The following GRIA4 variants were observed in gnomAD, a reference collection of about 807,000 sequenced individuals.
GRIA4 encodes glutamate receptor 4.
A neutral mutation model predicts 104.0 loss-of-function variants in GRIA4; 34 were observed. The observed-to-expected ratio is 0.33, with a 90% CI of 0.25 to 0.44. The LOEUF is 0.44. GRIA4 is among the 20% of genes least tolerant of loss of function. The pLI, the probability that GRIA4 is intolerant of heterozygous loss-of-function variation, is 1.00. For missense variants in GRIA4, 750 were observed against 1,096.5 expected, an observed-to-expected ratio of 0.68 and a Z score of 4.46; for synonymous variants, 386 against 381.9, an observed-to-expected ratio of 1.01 and a Z score of -0.13.
intron 3 of GRIA4, among the ~76,000 whole-genome samples, chr11:105,625,195 C>T (rs982616740): frequency 2.0e-5 from 3 of 151,920 alleles, no homozygotes; most frequent in African/African-American, 7.3e-5. Flanking sequence ...CTGTGACTTC[C>T]GTGACAACGA....
At chr11:105,880,957 G>C (rs983053561) in intron 5 of GRIA4, among the ~76,000 whole-genome samples, 7 of 152,290 alleles carry the variant, frequency 4.6e-5, no homozygotes, top group South Asian at 2.1e-4. Context: ...CTTGGAGACT[G>C]TCATAGTTGA....
intron 4 of GRIA4, among the ~76,000 whole-genome samples, chr11:105,825,454 C>T (rs186205645): frequency 3.9e-5 from 6 of 152,176 alleles, no homozygotes; most frequent in Non-Finnish European, 7.4e-5. Context: ...CTTGAATAAA[C>T]ATTTCTATCC....
At chr11:105,977,989 A>G (rs550900604) in intron 16 of GRIA4, among the ~76,000 whole-genome samples, 2 of 152,182 alleles carry the variant, frequency 1.3e-5, no homozygotes, top group African/African-American at 2.4e-5. Flanking sequence ...GTGAAATTCA[A>G]TTCTGTTCAA....
At chr11:105,791,931 A>G (rs1942230607) in intron 4 of GRIA4, among the ~76,000 whole-genome samples, 1 of 152,172 alleles carries the variant, frequency 6.6e-6, no homozygotes, top group African/African-American at 2.4e-5. Context: ...GGACGTTCTC[A>G]GGGAATTTCA....
At chr11:105,690,605 A>T (rs1953049380) in intron 3 of GRIA4, among the ~76,000 whole-genome samples, 1 of 152,236 alleles carries the variant, frequency 6.6e-6, no homozygotes, top group African/African-American at 2.4e-5. Context: ...AGGAATGTGC[A>T]TAAAGCTTTC....
Position 105,979,911 on chromosome 11 carries a change from T to C in GRIA4, c.*172T>C. The C allele has an allele frequency of 2.0e-6, 1 of 501,680 alleles. No individual in the cohort carries two copies. The highest frequency in any genetic ancestry group is 3.6e-6 in the Non-Finnish European group (1 of 279,700). 31.1% of individuals were successfully genotyped at this position (501,680 alleles called of 1,614,324 possible). A position where few individuals can be genotyped will look rare whatever the true frequency, so the allele number is the denominator to read the frequency against. On this transcript the variant is annotated 3_prime_UTR_variant, in exon 17 of 17. Transcript: ENST00000282499. ...CAGCAGCAGCAACGTGTGCATGAGC[T>C]CAGCTCGGAAACCCAAACTCAGATT...
chr11:105,905,152 A>G (rs369121342), intron 8 of GRIA4, 45 bp from the exon 9 acceptor site: 234 of 1,013,674 alleles, frequency 2.3e-4, no homozygotes, highest in Non-Finnish European at 3.1e-4. Flanking sequence ...AAATTCCTAT[A>G]AGTGAAATTG....
At chr11:105,864,556 G>A (rs1945338851) in intron 5 of GRIA4, among the ~76,000 whole-genome samples, 1 of 152,144 alleles carries the variant, frequency 6.6e-6, no homozygotes, top group African/African-American at 2.4e-5. Context: ...AGTTCTAGAA[G>A]GATGGACACA....
intron 3 of GRIA4, among the ~76,000 whole-genome samples, chr11:105,634,007 A>G (rs138430876): frequency 9.2e-5 from 14 of 152,226 alleles, no homozygotes; most frequent in East Asian, 1.9e-4. Flanking sequence ...CTGATCTGCA[A>G]AACAGAGACA....
At chr11:105,667,614 C>T (rs187884877) in intron 3 of GRIA4, among the ~76,000 whole-genome samples, 48 of 152,018 alleles carry the variant, frequency 3.2e-4, no homozygotes, top group Admixed American at 1.1e-3. Context: ...ACAACTATAA[C>T]GCTCAGAAAA....
intron 3 of GRIA4, among the ~76,000 whole-genome samples, chr11:105,695,291 T>C (rs1242567436): frequency 2.6e-5 from 4 of 152,194 alleles, no homozygotes; most frequent in Non-Finnish European, 5.9e-5. Flanking sequence ...AGCTTTTATA[T>C]CTTCCATCTC....
chr11:105,821,551 G>C (rs1943575964), intron 4 of GRIA4, among the ~76,000 whole-genome samples: 1 of 151,734 alleles, frequency 6.6e-6, no homozygotes, highest in African/African-American at 2.4e-5. Context: ...AGAGAGGGCG[G>C]GGGAGGAAAT....
chr11:105,705,543 C>T (rs1262916819), intron 3 of GRIA4, among the ~76,000 whole-genome samples: 2 of 152,020 alleles, frequency 1.3e-5, no homozygotes, highest in East Asian at 3.9e-4. Context: ...ACATAAAGAA[C>T]ACATAAAATT....
At chr11:105,731,886 G>A (rs1433041448) in intron 3 of GRIA4, among the ~76,000 whole-genome samples, 3 of 151,952 alleles carry the variant, frequency 2.0e-5, no homozygotes, top group Non-Finnish European at 4.4e-5. Flanking sequence ...GGGGGGTGGG[G>A]GACAAGGGGA....
intron 3 of GRIA4, among the ~76,000 whole-genome samples, chr11:105,710,211 C>T (rs775467631): frequency 3.2e-4 from 48 of 151,988 alleles, no homozygotes; most frequent in Non-Finnish European, 5.4e-4. Context: ...CGATACATGT[C>T]CTCGTGAGAC....
At chr11:105,808,930 T>A (rs566907472) in intron 4 of GRIA4, among the ~76,000 whole-genome samples, 2 of 152,232 alleles carry the variant, frequency 1.3e-5, no homozygotes, top group East Asian at 3.9e-4. Flanking sequence ...AATTTTTTTA[T>A]TCAGGTAACC....
chr11:105,648,028 A>T (rs933695768), intron 3 of GRIA4, among the ~76,000 whole-genome samples: 7 of 152,112 alleles, frequency 4.6e-5, no homozygotes, highest in Non-Finnish European at 8.8e-5. Context: ...TGAAAAATGG[A>T]ACCAGGTTTA....
intron 6 of GRIA4, among the ~76,000 whole-genome samples, chr11:105,895,424 T>C (rs1946617305): frequency 6.6e-6 from 1 of 151,812 alleles, no homozygotes; most frequent in South Asian, 2.1e-4. Flanking sequence ...ATAGTGGCAA[T>C]AAAAGGGAGC....
intron 4 of GRIA4, among the ~76,000 whole-genome samples, chr11:105,836,503 T>C (rs997644298): frequency 2.6e-5 from 4 of 152,124 alleles, no homozygotes; most frequent in Non-Finnish European, 4.4e-5. Context: ...TGTATATTCT[T>C]TTTGTCCCTG....
Sources: allele counts gnomAD v4.1 joint callset (sites outside exome capture counted in the v4.1 genomes callset), GRCh38; gene constraint gnomAD v4.1.1; transcripts MANE v1.5; gene names NCBI Gene and HGNC (gene_info 2026-07-23, HGNC 2026-07-21).